Variants in MRC2 observed in about 807,000 individuals in gnomAD.
MRC2 encodes C-type mannose receptor 2.
Under a neutral mutation model 206.2 loss-of-function variants are expected in MRC2, and 84 were observed. The ratio of observed to expected loss-of-function variants is 0.41; its 90% CI spans 0.34 to 0.49. MRC2 has a LOEUF of 0.49. MRC2 is among the 20% of genes least tolerant of loss of function. The pLI is 0.31. For missense variants in MRC2, 1,676 were observed against 2,001.5 expected (o/e 0.84, Z 3.10); for synonymous variants, 798 against 800.0 (o/e 1.00, Z 0.04).
chr17:62,685,675 C>T (rs2089023012), intron 20 of MRC2, among the ~76,000 whole-genome samples: 1 of 152,056 alleles, frequency 6.6e-6, no homozygotes, highest in Non-Finnish European at 1.5e-5. Context: ...GAGTAGCTGG[C>T]ACTACAGGCT....
Position 62,672,139 on chromosome 17 carries a change from C to G in MRC2, c.1448C>G (p.Thr483Ser). ...NFRDSLEDCV[T>S]IWGPEGRWND... ...CGGGACAGTCTGGAGGACTGTGTCA[C>G]CATCTGGGGCCCGGTGAGATCTCCC... Residue 483 changes from threonine (T) to serine (S), a missense_variant, in exon 8 of 30, where the codon ACC becomes AGC. Thr to Ser is a moderately conservative substitution (Grantham distance 58). Around this residue, in one of 3 missense-constraint regions of MRC2, gnomAD observed 1,354 missense variants for 1,636.6 expected, o/e 0.83. Transcript: ENST00000303375. This position sits in a 1 kb window ranked among gnomAD's most constrained non-coding sequence, Gnocchi z 4.5. 4 of 1,614,078 alleles carry G rather than the reference C, an allele frequency of 2.5e-6. No homozygotes were observed. Among genetic ancestry groups the G allele is most frequent in the Non-Finnish European group, 3.4e-6 (4 of 1,180,022 alleles).
chr17:62,644,089 A>C (rs915922456), intron 1 of MRC2, among the ~76,000 whole-genome samples: 1 of 152,178 alleles, frequency 6.6e-6, no homozygotes, highest in Non-Finnish European at 1.5e-5. Context: ...TATATTATTT[A>C]ACAGGGGTGA....
At chr17:62,682,569 C>G (rs957046175) in intron 20 of MRC2, among the ~76,000 whole-genome samples, 192 bp downstream of exon 20, 1 of 152,194 alleles carries the variant, frequency 6.6e-6, no homozygotes, top group Non-Finnish European at 1.5e-5. Context: ...TGTAGTAGCA[C>G]CTTCCAATCC....
chr17:62,692,014 G>T lies in MRC2; in HGVS notation c.4193-98G>T, dbSNP rs1324633501. On this transcript the variant is annotated intron_variant, in intron 28 of 29. Transcript: ENST00000303375. The surrounding 1 kb of genome is among the most constrained non-coding windows in gnomAD (Gnocchi z 4.2). Reference sequence around the variant, plus strand: ...GGGAACTAGAGCCTCTTTCTCCCCAGACCTCCCGGCCCAGGCCTGTGTGCT... The same window carrying T: ...GGGAACTAGAGCCTCTTTCTCCCCATACCTCCCGGCCCAGGCCTGTGTGCT... 6.5e-7 allele frequency: 1 copy of T among 1,536,920 alleles called. No homozygotes were observed. Among genetic ancestry groups the T allele is most frequent in the East Asian group, 2.3e-5 (1 of 44,190 alleles).
chr17:62,638,805 C>T (rs2088361747), intron 1 of MRC2, among the ~76,000 whole-genome samples: 2 of 150,408 alleles, frequency 1.3e-5, no homozygotes, highest in Non-Finnish European at 2.9e-5. Flanking sequence ...GTAATCCCAG[C>T]TACTTGGGAG....
In MRC2 at chr17:62,692,354, AG is replaced by A; in HGVS notation, c.4346del (p.Gly1449ValfsTer26). 1 of 1,574,688 alleles carries A rather than the reference AG, an allele frequency of 6.4e-7. No homozygotes were observed. Among genetic ancestry groups the A allele is most frequent in the Non-Finnish European group, 8.6e-7 (1 of 1,160,136 alleles). On this transcript the variant is annotated frameshift_variant, in exon 30 of 30. Coordinates refer to ENST00000303375, the MANE Select transcript of MRC2 (RefSeq NM_006039.5). LOFTEE classifies it high-confidence loss of function. The surrounding 1 kb of genome is among the most constrained non-coding windows in gnomAD (Gnocchi z 4.2). ...CAGAGCATCGAGCGCGGGGCCTTTG[AG>A]GGTGCCCGCTACAGCCGCAGCAGCT... ...RRQSIERGAFEGARYSRSSSS... is the reference protein window; with the variant it reads ...RRQSIERGAFXGARYSRSSSS...
chr17:62,681,201 G>C, intron 18 of MRC2, 72 bp downstream of exon 18: 3 of 1,544,310 alleles, frequency 1.9e-6, no homozygotes, highest in East Asian at 2.4e-5. Flanking sequence ...AGGCAGACTT[G>C]CATTTGAATC....
chr17:62,689,970 C>G lies in MRC2; in HGVS notation c.3650C>G (p.Pro1217Arg). The G allele has an allele frequency of 1.2e-6, 2 of 1,612,490 alleles. No individual in the cohort carries two copies. The highest frequency in any genetic ancestry group is 8.5e-7 in the Non-Finnish European group (1 of 1,179,878). The stretch of plus-strand genomic sequence containing the variant: ...TGGCAGGACGGGGAGCCGCAGCAGC[C>G]GGGGGGCTGTACCTACGTAGATGTG... ...VGWQDGEPQQ[P>R]GGCTYVDVDG... is the part of the protein sequence containing the mutation. The change falls in exon 25 of 30, where the codon CCG (proline) becomes CGG (arginine). Residue 1217 changes from proline (P) to arginine (R), a missense_variant. This residue lies in a region of MRC2 where 1,354 missense variants were observed against 1,636.6 expected (regional missense o/e 0.83). Coordinates refer to ENST00000303375, the MANE Select transcript of MRC2 (RefSeq NM_006039.5).
At chr17:62,688,775 T>A in intron 22 of MRC2, 77 bp from the exon 23 acceptor site, 1 of 1,587,220 alleles carries the variant, frequency 6.3e-7, no homozygotes, top group Non-Finnish European at 8.6e-7. Flanking sequence ...GCCTCTTTGC[T>A]CACATTGCAG....
At chr17:62,663,999 G>T (rs1470188509) in intron 1 of MRC2, among the ~76,000 whole-genome samples, 11 of 139,404 alleles carry the variant, frequency 7.9e-5, no homozygotes, top group Admixed American at 1.5e-4. Context: ...TCGCTCTGTC[G>T]CCCAGGCTGG....
rs747116799 is a variant in MRC2 at position 62,690,195 on chromosome 17, G to A, written c.3782G>A (p.Cys1261Tyr). 6.2e-7 allele frequency: 1 copy of A among 1,611,450 alleles called. No homozygotes were observed. Among genetic ancestry groups the A allele is most frequent in the Non-Finnish European group, 8.5e-7 (1 of 1,178,110 alleles). Reference protein sequence around the residue: ...PPRRISYHGSCPQGLADSAWI... With the variant: ...PPRRISYHGSYPQGLADSAWI... Reference sequence around the variant, plus strand: ...CGAAGAATAAGCTACCATGGCAGCTGTCCCCAGGGACTGGCAGACTCCGCG... The same window carrying A: ...CGAAGAATAAGCTACCATGGCAGCTATCCCCAGGGACTGGCAGACTCCGCG... The change falls in exon 26 of 30, where the codon TGT becomes TAT. Residue 1261 changes from cysteine to tyrosine, a missense_variant. Around this residue, in one of 3 missense-constraint regions of MRC2, gnomAD observed 1,354 missense variants for 1,636.6 expected, o/e 0.83. Transcript: ENST00000303375.
At chr17:62,649,372 C>T (rs1249243618) in intron 1 of MRC2, among the ~76,000 whole-genome samples, 1 of 152,238 alleles carries the variant, frequency 6.6e-6, no homozygotes, top group Non-Finnish European at 1.5e-5. Context: ...AGATGGATCA[C>T]TTGAGGTCGG....
rs1485885498 is a variant in MRC2, at chr17:62,692,213, G to T, written c.4220-18G>T. On this transcript the variant is annotated intron_variant, in intron 29 of 29. Coordinates refer to ENST00000303375, the MANE Select transcript of MRC2 (RefSeq NM_006039.5). The surrounding 1 kb of genome is among the most constrained non-coding windows in gnomAD (Gnocchi z 4.2). ...GCCTAACGCCCACTTGGCCTTTCAC[G>T]CCCACTCGCCTTGGCAGCGCTTCCA... is the stretch of plus-strand genomic sequence containing the variant. 1.2e-6 allele frequency: 2 copies of T among 1,612,806 alleles called. No individual in the cohort carries two copies. The highest frequency in any genetic ancestry group is 1.7e-6 in the Non-Finnish European group (2 of 1,179,360).
intron 1 of MRC2, among the ~76,000 whole-genome samples, chr17:62,642,341 G>C (rs1290897514): frequency 6.6e-6 from 1 of 152,184 alleles, no homozygotes; most frequent in East Asian, 1.9e-4. Flanking sequence ...GAACTCATGG[G>C]TGATGTTGTG....
At chr17:62,633,502 CAAAAAAA>C (rs999150702) in intron 1 of MRC2, among the ~76,000 whole-genome samples, 20 of 73,532 alleles carry the variant, frequency 2.7e-4, no homozygotes, top group African/African-American at 9.0e-4. Context: ...GACTCCGTCT[CAAAAAAA>C]AAAAAAAAAA....
At position 62,690,965 on chromosome 17, in the gene MRC2, G is replaced by A. The variant is rs761105611; in HGVS notation, c.4029G>A (p.Trp1343Ter). 1.2e-6 allele frequency: 2 copies of A among 1,604,904 alleles called. No individual in the cohort carries two copies. Among genetic ancestry groups the A allele is most frequent in the South Asian group, 2.2e-5 (2 of 89,688 alleles). The stretch of plus-strand genomic sequence containing the variant: ...TTCCTGCAGGAGGCACTCTGGTCTG[G>A]CAGGACAACACAGCTGTGAACTACT... ...NFNPKGGTLV[W>*]QDNTAVNYSN... Residue 1343 changes from tryptophan to a stop codon, truncating the protein, a stop_gained, in exon 28 of 30, where the codon TGG becomes TGA. Transcript: ENST00000303375. LOFTEE classifies it high-confidence loss of function.
chr17:62,663,576 G>A (rs1255867328), intron 1 of MRC2, among the ~76,000 whole-genome samples: 1 of 152,134 alleles, frequency 6.6e-6, no homozygotes, highest in African/African-American at 2.4e-5. Context: ...GGTGTGCTGT[G>A]GTGGGGGGCA....
At chr17:62,631,152 T>C (rs1344703196) in intron 1 of MRC2, among the ~76,000 whole-genome samples, 1 of 152,088 alleles carries the variant, frequency 6.6e-6, no homozygotes, top group Non-Finnish European at 1.5e-5. Context: ...TGCCATGCAG[T>C]TCTCAGGCAG....
intron 1 of MRC2, among the ~76,000 whole-genome samples, chr17:62,657,998 C>T (rs1485373201): frequency 2.6e-5 from 4 of 152,134 alleles, no homozygotes; most frequent in South Asian, 4.1e-4. Context: ...AGCTCCTGCA[C>T]GCCTCTCCTC....
Sources: gnomAD v4.1 joint callset for allele counts (sites outside exome capture counted in the v4.1 genomes callset) on GRCh38, gnomAD v4.1.1 for gene constraint, gnomAD v4.1.1 regional missense constraint, Gnocchi (gnomAD v3.1) non-coding constraint, MANE v1.5 for transcripts, NCBI Gene and HGNC (gene_info 2026-07-23, HGNC 2026-07-21) for gene names.